Variants in MAGEA4 observed in about 807,000 individuals in gnomAD.
MAGEA4 encodes melanoma-associated antigen 4.
MAGEA4 carries 1 observed loss-of-function variant against 13.7 expected under a neutral mutation model. That is an observed-to-expected ratio of 0.07 (90% CI 0.03 to 0.35). The LOEUF is 0.35. Ranked by LOEUF, MAGEA4 falls within the 10% of genes least tolerant of loss-of-function variation. The pLI, the probability that MAGEA4 is intolerant of heterozygous loss-of-function variation, is 0.99. For synonymous variants in MAGEA4, 132 were observed against 101.1 expected (o/e 1.31, Z -1.83); for missense variants, 312 against 245.1 (o/e 1.27, Z -1.82).
At chrX:151,921,794 G>T (rs1410562394) in intron 1 of MAGEA4, among the ~76,000 whole-genome samples, 1 of 109,102 alleles carries the variant, frequency 9.2e-6, no homozygotes, top group Non-Finnish European at 1.9e-5. Flanking sequence ...GGAGGACCCT[G>T]GCCCTCCTGG....
At position 151,924,563 on chromosome X, in the gene MAGEA4, T is replaced by C. The variant is rs2073687382; in HGVS notation, c.899T>C (p.Ile300Thr). Residue 300 changes from isoleucine (I) to threonine (T), a missense_variant, in exon 3 of 3, where the codon ATT (isoleucine) becomes ACT (threonine). By Grantham distance (89) the Ile-to-Thr change is moderately conservative. Coordinates refer to ENST00000276344, the MANE Select transcript of MAGEA4 (RefSeq NM_001011548.1). ...GTCAGGGTCAATGCAAGAGTTCGCA[T>C]TGCCTACCCATCCCTGCGTGAAGCA... The part of the protein sequence containing the change: ...HVVRVNARVR[I>T]AYPSLREAAL... The C allele has an allele frequency of 8.3e-7, 1 of 1,205,065 alleles. No individual in the cohort carries two copies.
Position 151,922,726 on chromosome X carries a change from G to T in MAGEA4, c.-137-727G>T, listed in dbSNP as rs147161386. Among the ~76,000 whole-genome samples, 476 of 111,699 alleles carry T rather than the reference G, an allele frequency of 4.3e-3. 3 individuals carry two copies. The highest frequency in any genetic ancestry group is 0.015 in the African/African-American group (456 of 30,726). The stretch of plus-strand genomic sequence containing the variant: ...GCCCTGCTCCTGTTGTCACCCCAGA[G>T]AGCATGGGCTTGGCTTTCTGCTGAG... On this transcript the variant is annotated intron_variant, in intron 1 of 2. Coordinates refer to ENST00000276344, the MANE Select transcript of MAGEA4 (RefSeq NM_001011548.1).
intron 1 of MAGEA4, chrX:151,919,561 G>T (rs913490538): frequency 6.4e-6 from 4 of 624,392 alleles, no homozygotes; most frequent in East Asian, 3.6e-4. Context: ...CATCCACGCT[G>T]AATCGGGTTC....
Position 151,923,669 on chromosome X carries a change from C to T in MAGEA4, c.5C>T (p.Ser2Phe), listed in dbSNP as rs777932203. M[S>F]SEQKSQHCKP... ...GCTGCCCTGACCAGAGTCATCATGT[C>T]TTCTGAGCAGAAGAGTCAGCACTGC... Residue 2 changes from serine (S) to phenylalanine (F), a missense_variant, in exon 3 of 3, where the codon TCT (serine) becomes TTT (phenylalanine). Transcript: ENST00000276344. 1.7e-6 allele frequency: 2 copies of T among 1,211,273 alleles called. No homozygotes were observed. Among genetic ancestry groups the T allele is most frequent in the Non-Finnish European group, 2.2e-6 (2 of 895,437 alleles).
intron 1 of MAGEA4, among the ~76,000 whole-genome samples, chrX:151,922,257 C>G (rs751385096): frequency 1.2e-4 from 13 of 111,182 alleles, no homozygotes; most frequent in Non-Finnish European, 2.3e-4. Flanking sequence ...TCAGGGGGGA[C>G]CAGAGGAGGG....
At chrX:151,922,748 T>C (rs1933506712) in intron 1 of MAGEA4, among the ~76,000 whole-genome samples, 1 of 111,523 alleles carries the variant, frequency 9.0e-6, no homozygotes, top group Admixed American at 9.4e-5. Flanking sequence ...GGCTTTCTGC[T>C]GAGGTCCCTC....
At chrX:151,912,537 G>C (rs774498114), upstream of MAGEA4, 10 of 363,506 alleles carry the variant, frequency 2.8e-5, no homozygotes, top group African/African-American at 2.3e-4. Flanking sequence ...TCTGTGAGGA[G>C]GCAAGGTGGG....
chrX:151,920,887 A>C (rs1462468299), intron 1 of MAGEA4, among the ~76,000 whole-genome samples: 1 of 110,052 alleles, frequency 9.1e-6, no homozygotes, highest in East Asian at 2.9e-4. Flanking sequence ...GGAAACCCCT[A>C]TCCCTGATAG....
In MAGEA4 at chrX:151,912,910, T is replaced by G. The variant is rs1211884410; in HGVS notation, c.-197T>G. On this transcript the variant is annotated 5_prime_UTR_variant, in exon 1 of 3. Transcript: ENST00000276344. ...GGTTAGAGACAAGCGAGCTTCTGCG[T>G]CTGACTCGCAGCTTGAGACTGGCGG... 2 of 124,440 alleles carry G rather than the reference T, an allele frequency of 1.6e-5. No homozygotes were observed. Among genetic ancestry groups the G allele is most frequent in the Admixed American group, 1.7e-4 (2 of 12,113 alleles). The allele number at this position is 124,440 out of a possible 1,213,427, so 10.3% of individuals were successfully genotyped here. A position where few individuals can be genotyped will look rare whatever the true frequency, so the allele number is the denominator to read the frequency against.
chrX:151,921,504 T>C (rs1047684099), intron 1 of MAGEA4, among the ~76,000 whole-genome samples: 2 of 112,288 alleles, frequency 1.8e-5, no homozygotes, highest in Non-Finnish European at 1.9e-5. Context: ...CAGGGGACTC[T>C]AGAGTCAAGA....
At position 151,923,635 on chromosome X, in the gene MAGEA4, C is replaced by T. The variant is rs767267374; in HGVS notation, c.-30C>T. On this transcript the variant is annotated 5_prime_UTR_variant, in exon 3 of 3. Coordinates refer to ENST00000276344, the MANE Select transcript of MAGEA4 (RefSeq NM_001011548.1). Reference sequence around the variant, plus strand: ...CCCCATTGCCCAGCTTTTGCCTGCACTCTTGCCTGCTGCCCTGACCAGAGT... The same window carrying T: ...CCCCATTGCCCAGCTTTTGCCTGCATTCTTGCCTGCTGCCCTGACCAGAGT... 2 of 1,209,506 alleles carry T rather than the reference C, an allele frequency of 1.7e-6. No homozygotes were observed. Among genetic ancestry groups the T allele is most frequent in the South Asian group, 1.8e-5 (1 of 56,774 alleles).
chrX:151,924,237 G>A lies in MAGEA4; in HGVS notation c.573G>A (p.Leu191=), dbSNP rs750943985. 5.0e-6 allele frequency: 6 copies of A among 1,210,328 alleles called. No individual in the cohort carries two copies. Among genetic ancestry groups the A allele is most frequent in the Non-Finnish European group, 5.6e-6 (5 of 894,676 alleles). The change falls in exon 3 of 3, where the codon CTG becomes CTA. Residue 191 remains leucine (L), a synonymous_variant. Transcript: ENST00000276344. ...TGGGCCTTTCCTATGATGGCCTGCT[G>A]GGTAATAATCAGATCTTTCCCAAGA... ...TCLGLSYDGL[L]GNNQIFPKTG...
In MAGEA4 at chrX:151,924,753, T is replaced by C; in HGVS notation, c.*135T>C. The C allele has an allele frequency of 1.6e-6, 1 of 624,038 alleles. No individual in the cohort carries two copies. Among genetic ancestry groups the C allele is most frequent in the Non-Finnish European group, 2.3e-6 (1 of 429,597 alleles). 51.4% of individuals were successfully genotyped at this position (624,038 alleles called of 1,213,427 possible). On this transcript the variant is annotated 3_prime_UTR_variant, in exon 3 of 3. Coordinates refer to ENST00000276344, the MANE Select transcript of MAGEA4 (RefSeq NM_001011548.1). ...CTCTGTTTGAAGAAAATAGTCAGTG[T>C]TCTTAGTAGTGGGTTTCTATTTTGT...
At position 151,924,873 on chromosome X, in the gene MAGEA4, G is replaced by A. The variant is rs1933638927; in HGVS notation, c.*255G>A. ...AATTAACTTCAGCATCCAAGTTTATGAATCGTAGTTAACGTATATTGCTGT... is the reference window on the plus strand; with the variant it reads ...AATTAACTTCAGCATCCAAGTTTATAAATCGTAGTTAACGTATATTGCTGT... On this transcript the variant is annotated 3_prime_UTR_variant, in exon 3 of 3. Coordinates refer to ENST00000276344, the MANE Select transcript of MAGEA4 (RefSeq NM_001011548.1). The A allele has an allele frequency of 6.0e-6, 2 of 330,744 alleles. No individual in the cohort carries two copies. The highest frequency in any genetic ancestry group is 1.1e-5 in the Non-Finnish European group (2 of 186,238). The allele number at this position is 330,744 out of a possible 1,213,427, so 27.3% of individuals were successfully genotyped here.
rs150785634 is a variant in MAGEA4, at chrX:151,924,355, G to C, written c.691G>C (p.Val231Leu). Residue 231 changes from valine (V) to leucine (L), a missense_variant, in exon 3 of 3, where the codon GTG becomes CTG. Physicochemically the swap from Val to Leu is conservative, Grantham distance 32 (BLOSUM62 1). Coordinates refer to ENST00000276344, the MANE Select transcript of MAGEA4 (RefSeq NM_001011548.1). ...EIWEELGVMG[V>L]YDGREHTVYG... ...CTGGGAGGAGCTGGGTGTGATGGGGGTGTATGATGGGAGGGAGCACACTGT... is the reference window on the plus strand; with the variant it reads ...CTGGGAGGAGCTGGGTGTGATGGGGCTGTATGATGGGAGGGAGCACACTGT... The C allele has an allele frequency of 4.5e-4, 550 of 1,209,189 alleles. 1 individual carries two copies. The highest frequency in any genetic ancestry group is 3.9e-3 in the African/African-American group (223 of 57,240).
rs1569449545 is a variant in MAGEA4 at position 151,924,186 on chromosome X, C to A, written c.522C>A (p.Ser174Arg). ...GIDVKEVDPASNTYTLVTCLG... is the reference protein window; with the variant it reads ...GIDVKEVDPARNTYTLVTCLG... Reference sequence around the variant, plus strand: ...ACGTGAAGGAAGTGGACCCCGCCAGCAACACCTACACCCTTGTCACCTGCC... The same window carrying A: ...ACGTGAAGGAAGTGGACCCCGCCAGAAACACCTACACCCTTGTCACCTGCC... Residue 174 changes from serine to arginine, a missense_variant, in exon 3 of 3, where the codon AGC (serine) becomes AGA (arginine). Transcript: ENST00000276344. 1 of 1,211,945 alleles carries A rather than the reference C, an allele frequency of 8.3e-7. No homozygotes were observed. Among genetic ancestry groups the A allele is most frequent in the African/African-American group, 1.7e-5 (1 of 57,915 alleles).
chrX:151,918,973 C>G (rs1348132449), intron 1 of MAGEA4: 1 of 749,784 alleles, frequency 1.3e-6, no homozygotes, highest in African/African-American at 2.4e-5. Flanking sequence ...GAGAAGCGAG[C>G]TGCTCTGTGA....
chrX:151,912,694 C>A, upstream of MAGEA4: 1 of 217,070 alleles, frequency 4.6e-6, no homozygotes, highest in South Asian at 4.5e-5. Context: ...CCCCATCCTC[C>A]CCAACCCCGT....
rs146939572 is a variant in MAGEA4 at position 151,924,576 on chromosome X, C to T, written c.912C>T (p.Ser304=). 2.0e-5 allele frequency: 24 copies of T among 1,196,876 alleles called. No homozygotes were observed. In the African/African-American group the frequency reaches 3.3e-4, roughly 17 times the overall value. ...VNARVRIAYP[S]LREAALLEEE... Reference sequence around the variant, plus strand: ...CAAGAGTTCGCATTGCCTACCCATCCCTGCGTGAAGCAGCTTTGTTAGAGG... The same window carrying T: ...CAAGAGTTCGCATTGCCTACCCATCTCTGCGTGAAGCAGCTTTGTTAGAGG... Residue 304 remains serine, a synonymous_variant, in exon 3 of 3, where the codon TCC becomes TCT. Coordinates refer to ENST00000276344, the MANE Select transcript of MAGEA4 (RefSeq NM_001011548.1).
Sources: allele counts gnomAD v4.1 joint callset (sites outside exome capture counted in the v4.1 genomes callset), GRCh38; gene constraint gnomAD v4.1.1; transcripts MANE v1.5; gene names NCBI Gene and HGNC (gene_info 2026-07-23, HGNC 2026-07-21).